Variants in ZNF408 observed in about 807,000 individuals in gnomAD.
ZNF408 encodes zinc finger protein 408.
ZNF408 carries 24 observed loss-of-function variants against 27.6 expected under a neutral mutation model. The observed-to-expected ratio is 0.87, with a 90% CI of 0.63 to 1.22. The LOEUF (loss-of-function observed/expected upper bound fraction) is 1.22, where lower values mean the gene tolerates loss of function less well. ZNF408 is among the 50% of genes most tolerant of loss of function. The probability of loss-of-function intolerance (pLI) is 0.00; values close to 1 mark genes in which losing one functional copy is unlikely to be tolerated. For missense variants in ZNF408, 897 were observed against 949.0 expected (o/e 0.95, Z 0.72); for synonymous variants, 410 against 396.1 (o/e 1.04, Z -0.42).
chr11:46,704,399 G>A lies in ZNF408; in HGVS notation c.699G>A (p.Val233=), dbSNP rs760854897. The change falls in exon 5 of 5, where the codon GTG becomes GTA. Residue 233 remains valine, a synonymous_variant. Coordinates refer to ENST00000311764, the MANE Select transcript of ZNF408 (RefSeq NM_024741.3). The stretch of plus-strand genomic sequence containing the variant: ...CTGGCATCCAGGCAGAGAATATGGT[G>A]AGCCCTGGACTTAAGTTCCCAACCC... ...SPSGIQAENM[V]SPGLKFPTQD... 8 of 1,611,924 alleles carry A rather than the reference G, an allele frequency of 5.0e-6. No individual in the cohort carries two copies. The African/African-American group carries it at 9.3e-5, about 19-fold the overall frequency.
Position 46,705,118 on chromosome 11 carries a change from G to T in ZNF408, c.1418G>T (p.Cys473Phe), listed in dbSNP as rs759956404. The change falls in exon 5 of 5, where the codon TGT becomes TTT. Residue 473 changes from cysteine to phenylalanine, a missense_variant. Physicochemically the swap from Cys to Phe is radical, Grantham distance 205 (BLOSUM62 -2). Transcript: ENST00000311764. This position sits in a 1 kb window ranked among gnomAD's most constrained non-coding sequence, Gnocchi z 6.5. ...CCTGCCCCTTGCCCATGCCCTGTGT[G>T]TGGGCGGCCCCTGGCCAACCAGGGC... is the stretch of plus-strand genomic sequence containing the variant. ...AAPAPCPCPV[C>F]GRPLANQGSL... 4 of 1,611,786 alleles carry T rather than the reference G, an allele frequency of 2.5e-6. No homozygotes were observed. The highest frequency in any genetic ancestry group is 3.4e-6 in the Non-Finnish European group (4 of 1,179,924).
At position 46,705,496 on chromosome 11, in the gene ZNF408, A is replaced by G. The variant is rs1462153504; in HGVS notation, c.1796A>G (p.Lys599Arg). ...TLATKLRRHL[K>R]SHLEDKPYRC... ...GCCACCAAGCTGCGGCGCCACCTCAAATCTCACTTGGAGGACAAGCCCTAC... is the reference window on the plus strand; with the variant it reads ...GCCACCAAGCTGCGGCGCCACCTCAGATCTCACTTGGAGGACAAGCCCTAC... Residue 599 changes from lysine (K) to arginine (R), a missense_variant, in exon 5 of 5, where the codon AAA (lysine) becomes AGA (arginine). Lys to Arg is a conservative substitution (Grantham distance 26). Coordinates refer to ENST00000311764, the MANE Select transcript of ZNF408 (RefSeq NM_024741.3). This position sits in a 1 kb window ranked among gnomAD's most constrained non-coding sequence, Gnocchi z 6.5. The G allele has an allele frequency of 3.1e-6, 5 of 1,605,708 alleles. No individual in the cohort carries two copies. In the Admixed American group the frequency reaches 5.0e-5, roughly 16 times the overall value.
In ZNF408 at chr11:46,705,234, C is replaced by T. The variant is rs757937681; in HGVS notation, c.1534C>T (p.Arg512Cys). The change falls in exon 5 of 5, where the codon CGT becomes TGT. Residue 512 changes from arginine (R) to cysteine (C), a missense_variant. Transcript: ENST00000311764. The surrounding 1 kb of genome is among the most constrained non-coding windows in gnomAD (Gnocchi z 6.5). Reference sequence around the variant, plus strand: ...GGCGTTTCGTCAGCGGGGCAACCTGCGTGGGCATTTGCGGCTCCACACCGG... The same window carrying T: ...GGCGTTTCGTCAGCGGGGCAACCTGTGTGGGCATTTGCGGCTCCACACCGG... ...GRAFRQRGNL[R>C]GHLRLHTGER... The T allele has an allele frequency of 1.1e-5, 17 of 1,611,910 alleles. No individual in the cohort carries two copies. The highest frequency in any genetic ancestry group is 2.2e-5 in the East Asian group (1 of 44,878).
At position 46,701,289 on chromosome 11, in the gene ZNF408, C is replaced by G; in HGVS notation, c.53-110C>G. On this transcript the variant is annotated intron_variant, in intron 1 of 4. Coordinates refer to ENST00000311764, the MANE Select transcript of ZNF408 (RefSeq NM_024741.3). ...TCAGGGCCCTCCTTAGAGCCCTCAC[C>G]TGTCCCTCGGGCTCCGCAGGCCCAC... is the stretch of plus-strand genomic sequence containing the variant. 1.9e-6 allele frequency: 3 copies of G among 1,559,280 alleles called. No homozygotes were observed. In the Admixed American group the frequency reaches 5.4e-5, roughly 28 times the overall value.
At position 46,701,101 on chromosome 11, in the gene ZNF408, T is replaced by C. The variant is rs775030180; in HGVS notation, c.52+2T>C. 1 of 1,614,084 alleles carries C rather than the reference T, an allele frequency of 6.2e-7. No homozygotes were observed. The highest frequency in any genetic ancestry group is 8.5e-7 in the Non-Finnish European group (1 of 1,180,004). On this transcript the variant is annotated splice_donor_variant, in intron 1 of 4. Coordinates refer to ENST00000311764, the MANE Select transcript of ZNF408 (RefSeq NM_024741.3). LOFTEE classifies it high-confidence loss of function. ...AGGGGAAGAAGGCGCTGCAACTCGG[T>C]GAGTGACCTGCGATGTCCGCGACCC...
chr11:46,703,678 G>A (rs2064727313), intron 4 of ZNF408, among the ~76,000 whole-genome samples: 1 of 151,930 alleles, frequency 6.6e-6, no homozygotes, highest in Non-Finnish European at 1.5e-5. Context: ...CTTCTCTCTG[G>A]CGTGGGGGTT....
Position 46,704,406 on chromosome 11 carries a change from G to A in ZNF408, c.706G>A (p.Gly236Arg). The A allele has an allele frequency of 6.2e-7, 1 of 1,613,302 alleles. No individual in the cohort carries two copies. Among genetic ancestry groups the A allele is most frequent in the East Asian group, 2.2e-5 (1 of 44,882 alleles). Reference protein sequence around the residue: ...GIQAENMVSPGLKFPTQDRIS... With the variant: ...GIQAENMVSPRLKFPTQDRIS... ...CCAGGCAGAGAATATGGTGAGCCCT[G>A]GACTTAAGTTCCCAACCCAGGACCG... Residue 236 changes from glycine to arginine, a missense_variant, in exon 5 of 5, where the codon GGA becomes AGA. Transcript: ENST00000311764.
rs1373973429 is a variant in ZNF408, at chr11:46,704,722, G to A, written c.1022G>A (p.Gly341Asp). The A allele has an allele frequency of 6.2e-7, 1 of 1,602,814 alleles. No individual in the cohort carries two copies. The highest frequency in any genetic ancestry group is 8.5e-7 in the Non-Finnish European group (1 of 1,175,378). ...CCTACACTCTCGCGGAGCCCTCCTG[G>A]CCCAGCAGGAAGCTCCCCAAAGCAG... Reference protein sequence around the residue: ...GFPTLSRSPPGPAGSSPKQGR... With the variant: ...GFPTLSRSPPDPAGSSPKQGR... The change falls in exon 5 of 5, where the codon GGC becomes GAC. Residue 341 changes from glycine (G) to aspartate (D), a missense_variant. Coordinates refer to ENST00000311764, the MANE Select transcript of ZNF408 (RefSeq NM_024741.3).
chr11:46,701,301 C>A, intron 1 of ZNF408, 98 bp from the exon 2 acceptor site: 1 of 1,568,570 alleles, frequency 6.4e-7, no homozygotes, highest in Non-Finnish European at 8.7e-7. Context: ...GTCCCTCGGG[C>A]TCCGCAGGCC....
intron 1 of ZNF408, 117 bp downstream of exon 1, chr11:46,701,216 C>T: frequency 6.3e-7 from 1 of 1,585,218 alleles, no homozygotes; most frequent in African/African-American, 1.3e-5. Flanking sequence ...CCAGTGCCCT[C>T]AGAGTCGCTG....
At position 46,701,433 on chromosome 11, in the gene ZNF408, G is replaced by T; in HGVS notation, c.87G>T (p.Trp29Cys). The change falls in exon 2 of 5, where the codon TGG (tryptophan) becomes TGT (cysteine). Residue 29 changes from tryptophan (W) to cysteine (C), a missense_variant. Transcript: ENST00000311764. ...CGCGCCTGGGCCTGGACTTAGGATG[G>T]AACCCTTCCGGAGAAGGCTGTACGC... ...REPRLGLDLGWNPSGEGCTQG... is the reference protein window; with the variant it reads ...REPRLGLDLGCNPSGEGCTQG... 6.2e-7 allele frequency: 1 copy of T among 1,613,960 alleles called. No individual in the cohort carries two copies. Among genetic ancestry groups the T allele is most frequent in the East Asian group, 2.2e-5 (1 of 44,870 alleles).
At position 46,705,095 on chromosome 11, in the gene ZNF408, T is replaced by C. The variant is rs1292569936; in HGVS notation, c.1395T>C (p.Pro465=). The C allele has an allele frequency of 3.7e-6, 6 of 1,612,256 alleles. No individual in the cohort carries two copies. The highest frequency in any genetic ancestry group is 5.1e-6 in the Non-Finnish European group (6 of 1,179,908). ...HRKTHQVPAA[P]APCPCPVCGR... ...AGACCCACCAGGTGCCAGCTGCCCCTGCCCCTTGCCCATGCCCTGTGTGTG... is the reference window on the plus strand; with the variant it reads ...AGACCCACCAGGTGCCAGCTGCCCCCGCCCCTTGCCCATGCCCTGTGTGTG... The change falls in exon 5 of 5, where the codon CCT becomes CCC. Residue 465 remains proline, a synonymous_variant. Coordinates refer to ENST00000311764, the MANE Select transcript of ZNF408 (RefSeq NM_024741.3). This position sits in a 1 kb window ranked among gnomAD's most constrained non-coding sequence, Gnocchi z 6.5.
chr11:46,702,829 G>T, intron 3 of ZNF408, 64 bp downstream of exon 3: 2 of 1,605,098 alleles, frequency 1.2e-6, no homozygotes, highest in Middle Eastern at 3.4e-4. Flanking sequence ...ATGGAACCCG[G>T]TGCTGACTGT....
rs923430362 is a variant in ZNF408, at chr11:46,705,797, G to A, written c.2097G>A (p.Val699=). The part of the protein sequence containing the change: ...PEEPDAAPSL[V]LIHKDMGLGA... ...AGCCAGATGCCGCCCCCAGCCTGGT[G>A]CTAATCCATAAGGACATGGGCCTCG... The change falls in exon 5 of 5, where the codon GTG becomes GTA. Residue 699 remains valine (V), a synonymous_variant. Transcript: ENST00000311764. The surrounding 1 kb of genome is among the most constrained non-coding windows in gnomAD (Gnocchi z 6.5). The A allele has an allele frequency of 1.7e-5, 28 of 1,611,802 alleles. No individual in the cohort carries two copies. The highest frequency in any genetic ancestry group is 2.4e-5 in the Non-Finnish European group (28 of 1,179,218).
chr11:46,705,221 G>T lies in ZNF408; in HGVS notation c.1521G>T (p.Gln507His). 2.5e-6 allele frequency: 4 copies of T among 1,612,004 alleles called. No individual in the cohort carries two copies. The highest frequency in any genetic ancestry group is 3.4e-6 in the Non-Finnish European group (4 of 1,179,906). The change falls in exon 5 of 5, where the codon CAG becomes CAT. Residue 507 changes from glutamine (Q) to histidine (H), a missense_variant. Physicochemically the swap from Gln to His is conservative, Grantham distance 24. Transcript: ENST00000311764. The surrounding 1 kb of genome is among the most constrained non-coding windows in gnomAD (Gnocchi z 6.5). ...CGCACTGTGGCCGGGCGTTTCGTCA[G>T]CGGGGCAACCTGCGTGGGCATTTGC... is the stretch of plus-strand genomic sequence containing the variant. Reference protein sequence around the residue: ...LCPHCGRAFRQRGNLRGHLRL... With the variant: ...LCPHCGRAFRHRGNLRGHLRL...
Position 46,705,384 on chromosome 11 carries a change from G to T in ZNF408, c.1684G>T (p.Asp562Tyr). 1 of 1,608,502 alleles carries T rather than the reference G, an allele frequency of 6.2e-7. No homozygotes were observed. ...LCPVCGKALR[D>Y]PHTLRAHERL... Reference sequence around the variant, plus strand: ...CCCGGTGTGTGGCAAGGCCCTCCGAGACCCACACACGCTCCGAGCTCACGA... The same window carrying T: ...CCCGGTGTGTGGCAAGGCCCTCCGATACCCACACACGCTCCGAGCTCACGA... Residue 562 changes from aspartate to tyrosine, a missense_variant, in exon 5 of 5, where the codon GAC (aspartate) becomes TAC (tyrosine). Transcript: ENST00000311764. The surrounding 1 kb of genome is among the most constrained non-coding windows in gnomAD (Gnocchi z 6.5).
Position 46,701,488 on chromosome 11 carries a change from A to C in ZNF408, c.142A>C (p.Thr48Pro). ...QGLKDVPPEP[T>P]RDILALKSLP... ...CCTCAAAGACGTCCCACCCGAGCCG[A>C]CCCGAGACATCCTCGCTTTAAAGAG... is the stretch of plus-strand genomic sequence containing the variant. Residue 48 changes from threonine (T) to proline (P), a missense_variant, in exon 2 of 5, where the codon ACC becomes CCC. Physicochemically the swap from Thr to Pro is conservative, Grantham distance 38. Transcript: ENST00000311764. 1 of 1,613,904 alleles carries C rather than the reference A, an allele frequency of 6.2e-7. No individual in the cohort carries two copies. The highest frequency in any genetic ancestry group is 8.5e-7 in the Non-Finnish European group (1 of 1,179,978).
intron 2 of ZNF408, 125 bp downstream of exon 2, chr11:46,701,801 T>C: frequency 8.0e-7 from 1 of 1,244,896 alleles, no homozygotes. Flanking sequence ...TCTTGTCCCT[T>C]CTCTTCAGGA....
rs370886120 is a variant in ZNF408, at chr11:46,705,688, G to C, written c.1988G>C (p.Arg663Thr). The change falls in exon 5 of 5, where the codon AGA (arginine) becomes ACA (threonine). Residue 663 changes from arginine to threonine, a missense_variant. Physicochemically the swap from Arg to Thr is moderately conservative, Grantham distance 71 (BLOSUM62 -1). Transcript: ENST00000311764. The surrounding 1 kb of genome is among the most constrained non-coding windows in gnomAD (Gnocchi z 6.5). ...GAGCCACAACTGCTGGACACACACA[G>C]AGAGGAGGAAGTCTCCCCCGCCAGG... is the stretch of plus-strand genomic sequence containing the variant. Reference protein sequence around the residue: ...QAEPQLLDTHREEEVSPARDV... With the variant: ...QAEPQLLDTHTEEEVSPARDV... 3.8e-5 allele frequency: 61 copies of C among 1,613,754 alleles called. 1 individual carries two copies. Among genetic ancestry groups the C allele is most frequent in the African/African-American group, 1.7e-4 (13 of 74,932 alleles).
Sources: allele counts gnomAD v4.1 joint callset (sites outside exome capture counted in the v4.1 genomes callset), GRCh38; gene constraint gnomAD v4.1.1; non-coding constraint Gnocchi (gnomAD v3.1); transcripts MANE v1.5; gene names NCBI Gene and HGNC (gene_info 2026-07-23, HGNC 2026-07-21).